ARHGEF16: variants seen among roughly 807,000 people sequenced by gnomAD.
ARHGEF16 encodes Rho guanine exchange factor (GEF) 16.
A neutral mutation model predicts 74.1 loss-of-function variants in ARHGEF16; 59 were observed. That is an observed-to-expected ratio of 0.80 (90% confidence interval 0.65 to 0.99). The LOEUF (loss-of-function observed/expected upper bound fraction) is 0.99. Among genes scored for constraint, ARHGEF16 ranks in the 50% least tolerant of loss-of-function variants. The pLI is 0.00. For synonymous variants in ARHGEF16, 415 were observed against 412.6 expected, an observed-to-expected ratio of 1.01 and a Z score of -0.07; for missense variants, 948 against 986.6, an observed-to-expected ratio of 0.96 and a Z score of 0.52.
intron 5 of ARHGEF16, 123 bp downstream of exon 5, chr1:3,469,059 C>T (rs757801316): frequency 9.8e-6 from 12 of 1,229,130 alleles, no homozygotes; most frequent in Non-Finnish European, 1.4e-5. Flanking sequence ...AGTGCCAGGC[C>T]CTGTCACGCT....
intron 6 of ARHGEF16, chr1:3,472,872 A>G (rs1639768868): frequency 3.0e-6 from 1 of 333,216 alleles, no homozygotes; most frequent in Non-Finnish European, 5.9e-6. Flanking sequence ...GCCTCTGACC[A>G]CTTCCCACCC....
In ARHGEF16 at chr1:3,473,697, G is replaced by A. The variant is rs72852427; in HGVS notation, c.1305+175G>A. On this transcript the variant is annotated intron_variant, in intron 8 of 14. Transcript: ENST00000378378. The stretch of plus-strand genomic sequence containing the variant: ...TATTAACCAGGATAACTTTGTGGTC[G>A]CCGCCACCCACAGAGCTCACTGTGC... 0.011 allele frequency: 12,312 copies of A among 1,087,018 alleles called. 889 individuals carry two copies. In the African/African-American group the frequency reaches 0.16, roughly 15 times the overall value. 67.3% of individuals were successfully genotyped at this position (1,087,018 alleles called of 1,614,324 possible).
intron 10 of ARHGEF16, 44 bp from the exon 11 acceptor site, chr1:3,477,831 C>T (rs200354446): frequency 2.0e-5 from 32 of 1,601,646 alleles, no homozygotes; most frequent in Non-Finnish European, 2.6e-5. Flanking sequence ...CTGTCCCCCC[C>T]AGTCCCTCGC....
In ARHGEF16 at chr1:3,480,605, G is replaced by A. The variant is rs555758109; in HGVS notation, c.*18G>A. The A allele has an allele frequency of 2.1e-5, 34 of 1,600,108 alleles. No homozygotes were observed. The East Asian group carries it at 3.8e-4, about 18-fold the overall frequency. On this transcript the variant is annotated 3_prime_UTR_variant, in exon 15 of 15. Transcript: ENST00000378378. ...ACGTGTAGCCCTGGCGAGGCCAGCCGGCGGCAGCACAGCCTGTCTCCAATC... is the reference window on the plus strand; with the variant it reads ...ACGTGTAGCCCTGGCGAGGCCAGCCAGCGGCAGCACAGCCTGTCTCCAATC...
chr1:3,455,223 G>C lies in ARHGEF16; in HGVS notation c.-20+412G>C, dbSNP rs963401063. Among the ~76,000 whole-genome samples the C allele has an allele frequency of 3.3e-5, 5 of 152,310 alleles. No homozygotes were observed. In the South Asian group the frequency reaches 1.0e-3, roughly 32 times the overall value. On this transcript the variant is annotated intron_variant, in intron 1 of 14. Transcript: ENST00000378378. ...AGGGAGTTTGAAAGAGCATGGGGTGGGGGGCGGAACAGAACGACCCTCCCG... is the reference window on the plus strand; with the variant it reads ...AGGGAGTTTGAAAGAGCATGGGGTGCGGGGCGGAACAGAACGACCCTCCCG...
chr1:3,478,206 C>T, intron 11 of ARHGEF16, 180 bp downstream of exon 11: 1 of 931,464 alleles, frequency 1.1e-6, no homozygotes, highest in South Asian at 1.7e-5. Context: ...CGCTGTGCAG[C>T]CTCTGACCTC....
At chr1:3,480,346 T>A in intron 14 of ARHGEF16, 102 bp from the exon 15 acceptor site, 1 of 1,515,264 alleles carries the variant, frequency 6.6e-7, no homozygotes, top group Non-Finnish European at 8.9e-7. Flanking sequence ...TGGTCAGTTC[T>A]AGGAGAAGCC....
intron 1 of ARHGEF16, among the ~76,000 whole-genome samples, chr1:3,461,874 C>T (rs1639404919): frequency 6.6e-6 from 1 of 152,228 alleles, no homozygotes; most frequent in African/African-American, 2.4e-5. Flanking sequence ...GCTGGCTCTC[C>T]ACATTCCTAC....
At chr1:3,468,980 C>G in intron 5 of ARHGEF16, 44 bp downstream of exon 5, 2 of 1,546,776 alleles carry the variant, frequency 1.3e-6, no homozygotes, top group Non-Finnish European at 1.7e-6. Flanking sequence ...ATGGCCTGGG[C>G]CATGCAACAC....
At chr1:3,471,050 GTGTGTGCATGGACAGGTA>G (rs1639705688) in intron 6 of ARHGEF16, among the ~76,000 whole-genome samples, 1 of 148,810 alleles carries the variant, frequency 6.7e-6, no homozygotes, top group Non-Finnish European at 1.5e-5. Context: ...GCAGGGATGT[GTGTGTGCATGGACAGGTA>G]TGTGTGCATG....
intron 14 of ARHGEF16, 53 bp from the exon 15 acceptor site, chr1:3,480,395 C>G (rs550038788): frequency 6.2e-7 from 1 of 1,603,468 alleles, no homozygotes; most frequent in South Asian, 1.1e-5. Flanking sequence ...TCAGAGGGGC[C>G]GGGGGACCCA....
chr1:3,473,296 C>A (rs913260237), intron 7 of ARHGEF16, 66 bp downstream of exon 7: 4 of 1,589,752 alleles, frequency 2.5e-6, no homozygotes, highest in Non-Finnish European at 3.4e-6. Flanking sequence ...TCTCCCAAAG[C>A]ACATTCCTGC....
At chr1:3,478,233 C>T (rs1401469089) in intron 11 of ARHGEF16, 191 bp from the exon 12 acceptor site, 3 of 910,284 alleles carry the variant, frequency 3.3e-6, no homozygotes, top group South Asian at 1.7e-5. Context: ...AGACCTGGGT[C>T]TGCCGGTGAT....
intron 1 of ARHGEF16, among the ~76,000 whole-genome samples, chr1:3,459,626 T>A (rs1395644815): frequency 6.6e-6 from 1 of 150,450 alleles, no homozygotes; most frequent in Admixed American, 6.6e-5. Context: ...GGACGGGGGG[T>A]GTCTGGGAAA....
At chr1:3,478,186 A>G (rs1639947222) in intron 11 of ARHGEF16, 160 bp downstream of exon 11, 1 of 1,099,246 alleles carries the variant, frequency 9.1e-7, no homozygotes, top group East Asian at 2.4e-5. Context: ...ACTCGGGGGC[A>G]GGTGGCGCTC....
intron 1 of ARHGEF16, among the ~76,000 whole-genome samples, chr1:3,461,348 T>G (rs1049243374): frequency 6.6e-6 from 1 of 152,224 alleles, no homozygotes; most frequent in African/African-American, 2.4e-5. Flanking sequence ...TGTTACACGC[T>G]TTGCACGCTT....
At position 3,477,952 on chromosome 1, in the gene ARHGEF16, TC is replaced by T. The variant is rs1259669951; in HGVS notation, c.1552del (p.Arg518GlufsTer20). 6 of 1,612,526 alleles carry T rather than the reference TC, an allele frequency of 3.7e-6. No individual in the cohort carries two copies. In the African/African-American group the frequency reaches 8.0e-5, roughly 22 times the overall value. On this transcript the variant is annotated frameshift_variant, in exon 11 of 15. Transcript: ENST00000378378. LOFTEE classifies it high-confidence loss of function. ...LFLVEETGLF[R>X]KIASRPTCYL... ...TCTTAGTGGAAGAAACCGGACTTTTTCGAAAAATTGCCAGCCGGCCAACGTG... is the reference window on the plus strand; with the variant it reads ...TCTTAGTGGAAGAAACCGGACTTTTTGAAAAATTGCCAGCCGGCCAACGTG...
At position 3,477,881 on chromosome 1, in the gene ARHGEF16, C is replaced by T. The variant is rs765785402; in HGVS notation, c.1480C>T (p.Pro494Ser). 6.2e-7 allele frequency: 1 copy of T among 1,603,224 alleles called. No individual in the cohort carries two copies. Among genetic ancestry groups the T allele is most frequent in the Non-Finnish European group, 8.5e-7 (1 of 1,171,852 alleles). The part of the protein sequence containing the change: ...QLDFSKVKSL[P>S]LISASRWLLK... ...CCCGGCTCTGTCCCCCCAGTCCCTC[C>T]CACTGATCTCTGCCTCCCGGTGGCT... is the stretch of plus-strand genomic sequence containing the variant. The change falls in exon 11 of 15, where the codon CCA becomes TCA. Residue 494 changes from proline to serine, a missense_variant. Pro to Ser is a moderately conservative substitution (Grantham distance 74). Coordinates refer to ENST00000378378, the MANE Select transcript of ARHGEF16 (RefSeq NM_014448.4).
At chr1:3,459,909 G>A (rs374357423) in intron 1 of ARHGEF16, among the ~76,000 whole-genome samples, 31 of 152,204 alleles carry the variant, frequency 2.0e-4, no homozygotes, top group African/African-American at 6.8e-4. Flanking sequence ...AGAGCAGGCT[G>A]TGCCTTTTTC....
Sources: allele counts gnomAD v4.1 joint callset (sites outside exome capture counted in the v4.1 genomes callset), GRCh38; gene constraint gnomAD v4.1.1; transcripts MANE v1.5; gene names NCBI Gene and HGNC (gene_info 2026-07-23, HGNC 2026-07-21).